The following NEK7 variants were observed in gnomAD, a reference collection of about 807,000 sequenced individuals.
The protein encoded by NEK7 is serine/threonine-protein kinase Nek7.
NEK7 carries 18 observed loss-of-function variants against 44.6 expected under a neutral mutation model. That is an observed-to-expected ratio of 0.40 (90% CI 0.28 to 0.60). NEK7 has a LOEUF of 0.60. Among genes scored for constraint, NEK7 ranks in the 20% least tolerant of loss-of-function variants. NEK7 has a pLI of 0.38. For missense variants in NEK7, 256 were observed against 366.5 expected (o/e 0.70, Z 2.46); for synonymous variants, 130 against 121.1 (o/e 1.07, Z -0.48).
chr1:198,247,342 G>T (rs1666861080), intron 2 of NEK7, among the ~76,000 whole-genome samples: 2 of 152,032 alleles, frequency 1.3e-5, no homozygotes. Flanking sequence ...ATAATGTTGG[G>T]TCATACATAA....
At position 198,206,958 on chromosome 1, in the gene NEK7, A is replaced by T. The variant is rs559160316; in HGVS notation, c.-28-25595A>T. ...ATATGCTTTCAGCATACAATTTAAG[A>T]TTTCATTTTAAGTCCATTCTAATTC... On this transcript the variant is annotated intron_variant, in intron 1 of 9. Transcript: ENST00000367385. 3 of 152,242 alleles carry T rather than the reference A, an allele frequency of 2.0e-5. No homozygotes were observed. The South Asian group carries it at 6.2e-4, about 32-fold the overall frequency. 9.4% of individuals were successfully genotyped at this position (152,242 alleles called of 1,614,324 possible). A position where few individuals can be genotyped will look rare whatever the true frequency, so the allele number is the denominator to read the frequency against.
At chr1:198,176,169 CATGTGTGCCGAAGGTATAAAA>C (rs1271182682) in intron 1 of NEK7, among the ~76,000 whole-genome samples, 1 of 152,148 alleles carries the variant, frequency 6.6e-6, no homozygotes, top group Admixed American at 6.5e-5. Context: ...ATTGGATCTT[CATGTGTGCCGAAGGTATAAAA>C]ATGAAGAGCA....
chr1:198,313,394 A>G (rs1470793684), intron 9 of NEK7, among the ~76,000 whole-genome samples: 5 of 148,508 alleles, frequency 3.4e-5, no homozygotes, highest in South Asian at 2.2e-4. Flanking sequence ...TCTTTATCCA[A>G]TTTGCCAGTC....
chr1:198,296,070 C>T (rs1654708547), intron 8 of NEK7, among the ~76,000 whole-genome samples: 1 of 152,106 alleles, frequency 6.6e-6, no homozygotes, highest in Non-Finnish European at 1.5e-5. Flanking sequence ...AGTTAAAGCT[C>T]TGTCTGGAGC....
chr1:198,266,448 C>G (rs764350301), intron 5 of NEK7, among the ~76,000 whole-genome samples: 2 of 152,100 alleles, frequency 1.3e-5, no homozygotes, highest in East Asian at 1.9e-4. Flanking sequence ...TGGAACTCAT[C>G]ATCCAGTGGG....
intron 9 of NEK7, among the ~76,000 whole-genome samples, chr1:198,311,690 G>A (rs1324946611): frequency 6.6e-6 from 1 of 152,206 alleles, no homozygotes; most frequent in African/African-American, 2.4e-5. Flanking sequence ...CATCTATTGA[G>A]ATAATCATGT....
chr1:198,248,831 A>G (rs949362945), intron 2 of NEK7, among the ~76,000 whole-genome samples: 1 of 152,090 alleles, frequency 6.6e-6, no homozygotes, highest in African/African-American at 2.4e-5. Context: ...GACAAGTTAT[A>G]AGGAGTTCTT....
Position 198,177,544 on chromosome 1 carries a change from T to C in NEK7, c.-29+20268T>C, listed in dbSNP as rs139298017. Among the ~76,000 whole-genome samples the C allele has an allele frequency of 2.0e-5, 3 of 152,260 alleles. No individual in the cohort carries two copies. In the East Asian group the frequency reaches 5.8e-4, roughly 29 times the overall value. Reference sequence around the variant, plus strand: ...TAAGAGTTTGGGAAAGGGACATGTTTGTACAAAATCATTGAGAAAAAGCAT... The same window carrying C: ...TAAGAGTTTGGGAAAGGGACATGTTCGTACAAAATCATTGAGAAAAAGCAT... On this transcript the variant is annotated intron_variant, in intron 1 of 9. Coordinates refer to ENST00000367385, the MANE Select transcript of NEK7 (RefSeq NM_133494.3).
chr1:198,260,820 A>T (rs950899633), intron 3 of NEK7, among the ~76,000 whole-genome samples: 8 of 152,114 alleles, frequency 5.3e-5, no homozygotes, highest in Non-Finnish European at 1.0e-4. Flanking sequence ...CATTTTATAT[A>T]CTGCTATTTT....
At chr1:198,162,220 G>C (rs1050593402) in intron 1 of NEK7, among the ~76,000 whole-genome samples, 19 of 152,176 alleles carry the variant, frequency 1.2e-4, no homozygotes, top group African/African-American at 4.6e-4. Context: ...CACTTTCTCA[G>C]CTCTAGTCAG....
chr1:198,307,254 A>G (rs745583609), intron 9 of NEK7, among the ~76,000 whole-genome samples: 3 of 152,174 alleles, frequency 2.0e-5, no homozygotes, highest in Non-Finnish European at 4.4e-5. Context: ...TGGTATAAAT[A>G]TCTCATATGA....
intron 1 of NEK7, among the ~76,000 whole-genome samples, chr1:198,226,046 T>G (rs906874499): frequency 6.6e-6 from 1 of 152,112 alleles, no homozygotes; most frequent in Non-Finnish European, 1.5e-5. Context: ...CAGCTGTGGA[T>G]GACACAAATG....
intron 2 of NEK7, among the ~76,000 whole-genome samples, chr1:198,234,621 A>C (rs1666494923): frequency 6.6e-6 from 1 of 152,196 alleles, no homozygotes; most frequent in East Asian, 1.9e-4. Context: ...GTAGGAAGGA[A>C]AAATAAAAGT....
chr1:198,232,472 G>A, intron 1 of NEK7, 81 bp from the exon 2 acceptor site: 1 of 657,680 alleles, frequency 1.5e-6, no homozygotes, highest in Non-Finnish European at 2.8e-6. Flanking sequence ...TCTAGCATTT[G>A]AATGCATGTG....
At chr1:198,289,131 T>TTGTG (rs71133921) in intron 7 of NEK7, among the ~76,000 whole-genome samples, 101 of 148,868 alleles carry the variant, frequency 6.8e-4, no homozygotes, top group Non-Finnish European at 9.1e-4. Flanking sequence ...TTCCCTGAAG[T>TTGTG]TGTGTGTGTG....
chr1:198,288,584 G>A (rs2102999632), intron 7 of NEK7, among the ~76,000 whole-genome samples: 1 of 152,286 alleles, frequency 6.6e-6, no homozygotes, highest in East Asian at 1.9e-4. Flanking sequence ...CAGCTTACCA[G>A]TTTTATGATC....
At chr1:198,221,417 T>A (rs73078719) in intron 1 of NEK7, among the ~76,000 whole-genome samples, 4,185 of 151,900 alleles carry the variant, frequency 0.028, 183 homozygotes, top group African/African-American at 0.095. Context: ...TTAACATTCT[T>A]TAATATAATT....
chr1:198,300,943 A>C (rs1255577816), intron 9 of NEK7, among the ~76,000 whole-genome samples: 5 of 152,178 alleles, frequency 3.3e-5, no homozygotes, highest in Admixed American at 6.5e-5. Flanking sequence ...CCAGGTGTCC[A>C]TTTACTGGGA....
chr1:198,275,961 T>G (rs1186303574), intron 5 of NEK7, among the ~76,000 whole-genome samples: 1 of 151,646 alleles, frequency 6.6e-6, no homozygotes. Context: ...CTGCCTTTAT[T>G]TTGTGAAAAA....
Sources: allele counts gnomAD v4.1 joint callset (sites outside exome capture counted in the v4.1 genomes callset), GRCh38; gene constraint gnomAD v4.1.1; transcripts MANE v1.5; gene names NCBI Gene and HGNC (gene_info 2026-07-23, HGNC 2026-07-21).